Variants in FKBP5 observed in about 807,000 individuals in gnomAD.
FKBP5 encodes the protein peptidyl-prolyl cis-trans isomerase FKBP5.
A neutral mutation model predicts 50.5 loss-of-function variants in FKBP5; 23 were observed. The observed-to-expected ratio is 0.46, with a 90% CI of 0.33 to 0.65. The LOEUF is 0.65. FKBP5 is among the 30% of genes least tolerant of loss of function. The pLI, the probability that FKBP5 is intolerant of heterozygous loss-of-function variation, is 0.02. For missense variants in FKBP5, 411 were observed against 553.1 expected, an observed-to-expected ratio of 0.74 and a Z score of 2.58; for synonymous variants, 176 against 190.6, an observed-to-expected ratio of 0.92 and a Z score of 0.63.
intron 1 of FKBP5, among the ~76,000 whole-genome samples, chr6:35,684,135 A>G (rs1765757707): frequency 6.6e-6 from 1 of 151,158 alleles, no homozygotes; most frequent in Non-Finnish European, 1.5e-5. Flanking sequence ...AAAACCCATT[A>G]TTTCACTTTG....
intron 5 of FKBP5, among the ~76,000 whole-genome samples, chr6:35,611,703 A>G (rs1763499578): frequency 6.6e-6 from 1 of 152,216 alleles, no homozygotes; most frequent in Non-Finnish European, 1.5e-5. Flanking sequence ...AACTTTGAAT[A>G]AAAATTACAA....
chr6:35,714,038 AG>A (rs1487725554), intron 2 of FKBP5, among the ~76,000 whole-genome samples: 1 of 151,772 alleles, frequency 6.6e-6, no homozygotes, highest in African/African-American at 2.4e-5. Context: ...GTCACTTCTC[AG>A]GGGGTCTGTC....
intron 8 of FKBP5, chr6:35,582,412 A>C: frequency 1.7e-6 from 1 of 574,922 alleles, no homozygotes; most frequent in Non-Finnish European, 2.2e-6. Flanking sequence ...TGTGGTCATG[A>C]GGGTGGGGCC....
At chr6:35,694,614 T>C (rs967610403) in intron 2 of FKBP5, among the ~76,000 whole-genome samples, 7 of 152,180 alleles carry the variant, frequency 4.6e-5, no homozygotes, top group South Asian at 2.1e-4. Flanking sequence ...TCTGGGATCA[T>C]CTTAACTCAA....
At chr6:35,714,276 A>G (rs931656008) in intron 2 of FKBP5, among the ~76,000 whole-genome samples, 2 of 139,548 alleles carry the variant, frequency 1.4e-5, no homozygotes, top group African/African-American at 2.8e-5. Context: ...ACATGGTGAA[A>G]CCCCGTCTCT....
At chr6:35,614,068 A>G (rs2150973944) in intron 5 of FKBP5, among the ~76,000 whole-genome samples, 1 of 152,244 alleles carries the variant, frequency 6.6e-6, no homozygotes, top group East Asian at 1.9e-4. Context: ...GCTAAATGTT[A>G]AACTTTTTGC....
intron 8 of FKBP5, chr6:35,584,221 ATAGAGTTCTCTAT>A: frequency 4.1e-6 from 4 of 985,456 alleles, no homozygotes; most frequent in Non-Finnish European, 4.8e-6. Context: ...TCAGAGCCAA[ATAGAGTTCTCTAT>A]TTTTCTTCTC....
intron 6 of FKBP5, among the ~76,000 whole-genome samples, chr6:35,596,068 T>A (rs1762973954): frequency 6.6e-6 from 1 of 151,590 alleles, no homozygotes; most frequent in Non-Finnish European, 1.5e-5. Context: ...AAAAATATGA[T>A]TATGGGCTGG....
Position 35,587,057 on chromosome 6 carries a change from C to T in FKBP5, c.817G>A (p.Glu273Lys). Residue 273 changes from glutamate (E) to lysine (K), a missense_variant, in exon 8 of 11, where the codon GAG (glutamate) becomes AAG (lysine). Physicochemically the swap from Glu to Lys is moderately conservative, Grantham distance 56 (BLOSUM62 1). Transcript: ENST00000357266. Reference protein sequence around the residue: ...EKLEQAAIVKEKGTVYFKGGK... With the variant: ...EKLEQAAIVKKKGTVYFKGGK... ...ACCTTGAAGTATACGGTTCCCTTCT[C>T]TTTGACAATGGCAGCCTGCTCCAAT... is the stretch of plus-strand genomic sequence containing the variant. 6.2e-7 allele frequency: 1 copy of T among 1,614,070 alleles called. No homozygotes were observed. Among genetic ancestry groups the T allele is most frequent in the African/African-American group, 1.3e-5 (1 of 75,040 alleles).
At chr6:35,648,433 GT>G (rs536239953) in intron 1 of FKBP5, among the ~76,000 whole-genome samples, 15 of 144,272 alleles carry the variant, frequency 1.0e-4, no homozygotes, top group East Asian at 2.2e-4. Flanking sequence ...CACACCTAAT[GT>G]TTTTTTTTTA....
intron 1 of FKBP5, among the ~76,000 whole-genome samples, chr6:35,725,951 C>T (rs1766701718): frequency 6.6e-6 from 1 of 152,218 alleles, no homozygotes; most frequent in Non-Finnish European, 1.5e-5. Context: ...CCTTTTGCAA[C>T]CACAGGAAAC....
chr6:35,635,026 CAAAAAAAA>C (rs35794477), intron 3 of FKBP5, among the ~76,000 whole-genome samples: 41 of 75,118 alleles, frequency 5.5e-4, no homozygotes, highest in African/African-American at 1.9e-3. Flanking sequence ...CCTGTCTCTA[CAAAAAAAA>C]AAAAAAAAAA....
intron 2 of FKBP5, among the ~76,000 whole-genome samples, chr6:35,640,556 AT>A (rs1764456276): frequency 6.6e-6 from 1 of 152,196 alleles, no homozygotes; most frequent in African/African-American, 2.4e-5. Flanking sequence ...CCTAGACTAC[AT>A]TTATTTTAAA....
At chr6:35,583,724 T>C in intron 8 of FKBP5, 1 of 957,736 alleles carries the variant, frequency 1.0e-6, no homozygotes, top group African/African-American at 1.8e-5. Flanking sequence ...AATCAAGAAT[T>C]ATCCCACTCC....
intron 1 of FKBP5, among the ~76,000 whole-genome samples, chr6:35,665,315 GTC>G (rs1473622366): frequency 6.8e-6 from 1 of 146,844 alleles, no homozygotes; most frequent in Non-Finnish European, 1.5e-5. Context: ...TTTTAGAGGA[GTC>G]TCACTCTGTC....
intron 1 of FKBP5, among the ~76,000 whole-genome samples, chr6:35,663,995 G>C (rs1048522000): frequency 1.3e-5 from 2 of 152,166 alleles, no homozygotes; most frequent in Non-Finnish European, 2.9e-5. Context: ...TACTTCTAGT[G>C]AACAGTGGAA....
At chr6:35,626,539 T>A (rs1764003920) in intron 3 of FKBP5, among the ~76,000 whole-genome samples, 2 of 152,190 alleles carry the variant, frequency 1.3e-5, no homozygotes, top group East Asian at 3.8e-4. Context: ...TATTTTAAAG[T>A]GCACAGTTCA....
exon 1 of FKBP5, chr6:35,728,553 T>C (rs140736737): frequency 6.6e-6 from 1 of 152,402 alleles, no homozygotes; most frequent in African/African-American, 2.4e-5. Flanking sequence ...GATGTAACTC[T>C]TAGTTGCAAA....
At chr6:35,618,703 CT>C (rs907556762) in intron 5 of FKBP5, among the ~76,000 whole-genome samples, 16 of 150,664 alleles carry the variant, frequency 1.1e-4, no homozygotes, top group Non-Finnish European at 1.9e-4. Flanking sequence ...ATATTCAATA[CT>C]TTTTTTTTGA....
Sources: gnomAD v4.1 joint callset for allele counts (sites outside exome capture counted in the v4.1 genomes callset) on GRCh38, gnomAD v4.1.1 for gene constraint, MANE v1.5 for transcripts, NCBI Gene and HGNC (gene_info 2026-07-23, HGNC 2026-07-21) for gene names.